SELENOI: variants seen among roughly 807,000 people sequenced by gnomAD.
SELENOI encodes the protein selenoprotein I.
A neutral mutation model predicts 50.7 loss-of-function variants in SELENOI; 24 were observed. The ratio of observed to expected loss-of-function variants is 0.47; its 90% CI spans 0.34 to 0.67. SELENOI has a LOEUF of 0.67. Ranked by LOEUF, SELENOI falls within the 30% of genes least tolerant of loss-of-function variation. SELENOI has a pLI of 0.01. For synonymous variants in SELENOI, 155 were observed against 170.2 expected, an observed-to-expected ratio of 0.91 and a Z score of 0.70; for missense variants, 352 against 461.4, an observed-to-expected ratio of 0.76 and a Z score of 2.17.
intron 3 of SELENOI, among the ~76,000 whole-genome samples, chr2:26,366,352 C>T (rs1253368980): frequency 1.3e-5 from 2 of 151,462 alleles, no homozygotes; most frequent in Non-Finnish European, 2.9e-5. Context: ...TATTTTAATC[C>T]TCAGGACACC....
In SELENOI at chr2:26,373,638, G is replaced by A; in HGVS notation, c.573+9G>A. Reference sequence around the variant, plus strand: ...ATGACATTAGCCAGGTGGTAAGTATGTGTTCTACCTTAAATTTTCAGTATT... The same window carrying A: ...ATGACATTAGCCAGGTGGTAAGTATATGTTCTACCTTAAATTTTCAGTATT... On this transcript the variant is annotated intron_variant, in intron 5 of 9. Coordinates refer to ENST00000260585, the MANE Select transcript of SELENOI (RefSeq NM_033505.4). 1 of 1,612,474 alleles carries A rather than the reference G, an allele frequency of 6.2e-7. No homozygotes were observed. The highest frequency in any genetic ancestry group is 1.7e-5 in the Admixed American group (1 of 59,812).
In SELENOI at chr2:26,367,337, A is replaced by T. The variant is rs905880449; in HGVS notation, c.310+117A>T. On this transcript the variant is annotated intron_variant, in intron 4 of 9. Coordinates refer to ENST00000260585, the MANE Select transcript of SELENOI (RefSeq NM_033505.4). ...TTCATTTTAACTAGAGTTTATTAGT[A>T]TCCTGTTCAAATTGATAAATATGTT... 1.1e-5 allele frequency: 8 copies of T among 721,974 alleles called. No homozygotes were observed. In the Admixed American group the frequency reaches 2.7e-4, roughly 24 times the overall value. 44.7% of individuals were successfully genotyped at this position (721,974 alleles called of 1,614,324 possible).
intron 1 of SELENOI, among the ~76,000 whole-genome samples, chr2:26,354,723 A>G (rs1677032218): frequency 6.6e-6 from 1 of 152,158 alleles, no homozygotes; most frequent in Non-Finnish European, 1.5e-5. Flanking sequence ...ATATATAAAC[A>G]TTAGAATAAA....
chr2:26,364,079 T>C (rs867523370), intron 1 of SELENOI, among the ~76,000 whole-genome samples: 1,256 of 29,870 alleles, frequency 0.042, 9 homozygotes, highest in African/African-American at 0.22. Flanking sequence ...TTTCTCCCCC[T>C]TTTTTTTTTT....
At chr2:26,371,369 C>T (rs374743636) in intron 4 of SELENOI, among the ~76,000 whole-genome samples, 1 of 150,094 alleles carries the variant, frequency 6.7e-6, no homozygotes, top group Admixed American at 6.6e-5. Context: ...TCCCCACATC[C>T]CAGACGATGG....
At chr2:26,354,988 A>G (rs1677036086) in intron 1 of SELENOI, among the ~76,000 whole-genome samples, 1 of 152,230 alleles carries the variant, frequency 6.6e-6, no homozygotes, top group Admixed American at 6.5e-5. Flanking sequence ...AAGTTTCCAC[A>G]TACCAGCTGT....
chr2:26,375,129 A>G lies in SELENOI; in HGVS notation c.663A>G (p.Leu221=), dbSNP rs547673424. Residue 221 remains leucine (L), a synonymous_variant, in exon 6 of 10, where the codon CTA becomes CTG. Coordinates refer to ENST00000260585, the MANE Select transcript of SELENOI (RefSeq NM_033505.4). Reference sequence around the variant, plus strand: ...TGTTTAATTTCTTATATAGAGACCTATTCACTGCAATGATTATTGGTAAGA... The same window carrying G: ...TGTTTAATTTCTTATATAGAGACCTGTTCACTGCAATGATTATTGGTAAGA... ...PFLFNFLYRD[L]FTAMIIGCAL... 20 of 1,605,860 alleles carry G rather than the reference A, an allele frequency of 1.2e-5. No homozygotes were observed. In the African/African-American group the frequency reaches 1.7e-4, roughly 14 times the overall value.
chr2:26,371,049 C>T (rs1324910978), intron 4 of SELENOI, among the ~76,000 whole-genome samples: 3 of 143,948 alleles, frequency 2.1e-5, no homozygotes, highest in Non-Finnish European at 3.1e-5. Flanking sequence ...CCAGTAGGGG[C>T]GGCCGGGCAG....
At chr2:26,376,974 T>C (rs997062010) in intron 6 of SELENOI, among the ~76,000 whole-genome samples, 8 of 152,236 alleles carry the variant, frequency 5.3e-5, no homozygotes, top group Admixed American at 2.0e-4. Context: ...TTGACTGTGA[T>C]GTACCTAGGT....
Position 26,394,036 on chromosome 2 carries a change from A to G in SELENOI, c.*4933A>G, listed in dbSNP as rs1678030723. On this transcript the variant is annotated 3_prime_UTR_variant, in exon 10 of 10. Transcript: ENST00000260585. The surrounding 1 kb of genome is among the most constrained non-coding windows in gnomAD (Gnocchi z 4.1). ...AGTAAGTTCTTGACCTGGAACATAT[A>G]TAGTTAGTACTTGATGTCACTAACC... 6.6e-6 allele frequency: 1 copy of G among 152,264 alleles called. No individual in the cohort carries two copies. The highest frequency in any genetic ancestry group is 2.1e-4 in the South Asian group (1 of 4,832). The allele number at this position is 152,264 out of a possible 1,614,324, so 9.4% of individuals were successfully genotyped here.
At chr2:26,351,962 T>G (rs978286655) in intron 1 of SELENOI, among the ~76,000 whole-genome samples, 3 of 151,984 alleles carry the variant, frequency 2.0e-5, no homozygotes, top group African/African-American at 7.3e-5. Flanking sequence ...GACAATATGG[T>G]GAAACCCAGT....
chr2:26,370,830 G>T (rs1677411991), intron 4 of SELENOI, among the ~76,000 whole-genome samples: 1 of 139,368 alleles, frequency 7.2e-6, no homozygotes, highest in East Asian at 2.2e-4. Context: ...CGGGCGGGGG[G>T]CTGACACCCC....
chr2:26,383,644 C>T (rs538921081), intron 7 of SELENOI, among the ~76,000 whole-genome samples: 2 of 152,074 alleles, frequency 1.3e-5, no homozygotes, highest in East Asian at 3.9e-4. Flanking sequence ...TTTGGGAGGC[C>T]GAGGTGGGCG....
chr2:26,354,346 T>G lies in SELENOI; in HGVS notation c.57+8057T>G, dbSNP rs533532301. 2.0e-5 allele frequency among the ~76,000 whole-genome samples: 3 copies of G among 152,300 alleles called. No individual in the cohort carries two copies. In the South Asian group the frequency reaches 6.2e-4, roughly 32 times the overall value. On this transcript the variant is annotated intron_variant, in intron 1 of 9. Transcript: ENST00000260585. The stretch of plus-strand genomic sequence containing the variant: ...GCCTCTCAAAACTAAGAGTGAAATA[T>G]AAACTCTGCCTTGTAGGTACTGGCT...
intron 1 of SELENOI, chr2:26,346,497 C>T: frequency 1.9e-6 from 1 of 526,286 alleles, no homozygotes; most frequent in Non-Finnish European, 3.2e-6. Context: ...CGGCACCCCC[C>T]GGGAGATTTC....
intron 1 of SELENOI, among the ~76,000 whole-genome samples, chr2:26,348,826 A>T (rs76757563): frequency 3.3e-5 from 5 of 151,464 alleles, no homozygotes; most frequent in Non-Finnish European, 5.9e-5. Flanking sequence ...AAAAAAAAAA[A>T]GGAGCTCTAT....
At chr2:26,371,642 C>T (rs62128669) in intron 4 of SELENOI, among the ~76,000 whole-genome samples, 58,208 of 150,852 alleles carry the variant, frequency 0.39, 12,315 homozygotes, top group Non-Finnish European at 0.5. Context: ...GCGGATCACT[C>T]GCGGTTAGGA....
intron 4 of SELENOI, among the ~76,000 whole-genome samples, chr2:26,369,540 C>T (rs1284578583): frequency 6.6e-6 from 1 of 152,080 alleles, no homozygotes; most frequent in Non-Finnish European, 1.5e-5. Context: ...TTTTTATTTC[C>T]TCCATCTCAC....
intron 6 of SELENOI, 61 bp from the exon 7 acceptor site, chr2:26,383,238 C>A: frequency 7.9e-7 from 1 of 1,271,224 alleles, no homozygotes; most frequent in South Asian, 1.5e-5. Context: ...TTGCATGATT[C>A]AGTGGTAATG....
Sources: allele counts gnomAD v4.1 joint callset (sites outside exome capture counted in the v4.1 genomes callset), GRCh38; gene constraint gnomAD v4.1.1; non-coding constraint Gnocchi (gnomAD v3.1); transcripts MANE v1.5; gene names NCBI Gene and HGNC (gene_info 2026-07-23, HGNC 2026-07-21).